Variants in TMX3 observed in about 807,000 individuals in gnomAD.
TMX3 encodes protein disulfide-isomerase TMX3.
A neutral mutation model predicts 64.4 loss-of-function variants in TMX3; 40 were observed. The observed-to-expected ratio is 0.62, with a 90% CI of 0.48 to 0.81. The LOEUF is 0.81. Among genes scored for constraint, TMX3 ranks in the 30% least tolerant of loss-of-function variants. The probability of loss-of-function intolerance (pLI) is 0.00; values close to 1 mark genes in which losing one functional copy is unlikely to be tolerated. For missense variants in TMX3, 497 were observed against 534.5 expected (o/e 0.93, Z 0.69); for synonymous variants, 189 against 175.7 (o/e 1.08, Z -0.60).
At chr18:68,687,837 A>G (rs1914111705) in intron 9 of TMX3, 72 bp from the exon 10 acceptor site, 20 of 1,157,666 alleles carry the variant, frequency 1.7e-5, no homozygotes, top group South Asian at 9.4e-5. Context: ...CTTTAATCTG[A>G]TAATAGGTAT....
At position 68,676,006 on chromosome 18, in the gene TMX3, T is replaced by C. The variant is rs1415676662; in HGVS notation, c.*927A>G. 1 of 152,178 alleles carries C rather than the reference T, an allele frequency of 6.6e-6. No homozygotes were observed. Among genetic ancestry groups the C allele is most frequent in the Non-Finnish European group, 1.5e-5 (1 of 68,034 alleles). 9.4% of individuals were successfully genotyped at this position (152,178 alleles called of 1,614,324 possible). On this transcript the variant is annotated 3_prime_UTR_variant, in exon 16 of 16. Coordinates refer to ENST00000299608, the MANE Select transcript of TMX3 (RefSeq NM_019022.5). ...GTGTGTCTGTGGGTGCATACGTACG[T>C]ATTCTAGAGTAGAAGTTACCATAAA...
intron 9 of TMX3, among the ~76,000 whole-genome samples, chr18:68,689,370 A>T (rs1409199795): frequency 6.6e-6 from 1 of 151,886 alleles, no homozygotes; most frequent in African/African-American, 2.4e-5. Flanking sequence ...AAATATGTTT[A>T]TATTTAAACA....
rs1431875907 is a variant in TMX3, at chr18:68,705,242, CAG to C, written c.266-3454_266-3453del. On this transcript the variant is annotated intron_variant, in intron 4 of 15. Transcript: ENST00000299608. ...CATCCAACTCCCAACAATAACCCCA[CAG>C]AATTATCTGGTCCAAAATGTCAATA... 1.1e-4 allele frequency among the ~76,000 whole-genome samples: 17 copies of C among 152,042 alleles called. 1 individual carries two copies. The East Asian group carries it at 3.3e-3, about 29-fold the overall frequency.
Position 68,681,129 on chromosome 18 carries a change from A to C in TMX3, c.906-19T>G. ...CAATTCACTGAAAATATAAAAACAA[A>C]TCAAAATATACATTAAACACAGCAA... is the stretch of plus-strand genomic sequence containing the variant. On this transcript the variant is annotated intron_variant, in intron 13 of 15. Coordinates refer to ENST00000299608, the MANE Select transcript of TMX3 (RefSeq NM_019022.5). 1 of 1,534,994 alleles carries C rather than the reference A, an allele frequency of 6.5e-7. No individual in the cohort carries two copies. Among genetic ancestry groups the C allele is most frequent in the South Asian group, 1.3e-5 (1 of 75,762 alleles).
rs996897327 is a variant in TMX3 at position 68,715,050 on chromosome 18, G to A, written c.-69C>T. On this transcript the variant is annotated 5_prime_UTR_variant, in exon 1 of 16. Transcript: ENST00000299608. ...ATAAAGACACTGGGGTCCGCCGCCT[G>A]CCCGCCCGGAAAGGGAAACGGAGCC... The A allele has an allele frequency of 1.3e-6, 2 of 1,547,072 alleles. No homozygotes were observed. Among genetic ancestry groups the A allele is most frequent in the African/African-American group, 2.7e-5 (2 of 72,818 alleles).
chr18:68,699,339 C>T (rs1915447242), intron 6 of TMX3, among the ~76,000 whole-genome samples: 1 of 152,056 alleles, frequency 6.6e-6, no homozygotes, highest in Non-Finnish European at 1.5e-5. Context: ...AACATAATGA[C>T]TAATATAAAT....
At chr18:68,706,653 T>TA (rs1159822412) in intron 4 of TMX3, among the ~76,000 whole-genome samples, 1 of 152,110 alleles carries the variant, frequency 6.6e-6, no homozygotes, top group Non-Finnish European at 1.5e-5. Context: ...CCGCAAGAGG[T>TA]ATCTATGAAA....
At chr18:68,702,347 G>A (rs992301370) in intron 4 of TMX3, among the ~76,000 whole-genome samples, 21 of 150,034 alleles carry the variant, frequency 1.4e-4, no homozygotes, top group Non-Finnish European at 2.5e-4. Flanking sequence ...TTCTGCTTTT[G>A]TGATAACCTA....
intron 9 of TMX3, among the ~76,000 whole-genome samples, chr18:68,690,689 G>A (rs547366886): frequency 6.6e-6 from 1 of 152,234 alleles, no homozygotes; most frequent in African/African-American, 2.4e-5. Context: ...TCAGCAAATT[G>A]AAAGTTGAAG....
At chr18:68,687,298 C>T (rs1914060897) in intron 10 of TMX3, 2 of 985,380 alleles carry the variant, frequency 2.0e-6, no homozygotes, top group Non-Finnish European at 2.4e-6. Context: ...ACATTTTTCC[C>T]TTTCACAGGT....
intron 4 of TMX3, 64 bp downstream of exon 4, chr18:68,709,957 T>C: frequency 6.8e-7 from 1 of 1,468,672 alleles, no homozygotes; most frequent in Non-Finnish European, 9.1e-7. Context: ...CCACCCTGAA[T>C]ACTGTTGCAT....
At chr18:68,705,834 T>A (rs2030606374) in intron 4 of TMX3, among the ~76,000 whole-genome samples, 1 of 152,220 alleles carries the variant, frequency 6.6e-6, no homozygotes, top group Admixed American at 6.5e-5. Flanking sequence ...TTCAAATTTC[T>A]CTAGTTCAAA....
Position 68,715,039 on chromosome 18 carries a change from G to C in TMX3, c.-58C>G. The C allele has an allele frequency of 1.3e-6, 2 of 1,549,256 alleles. No individual in the cohort carries two copies. The highest frequency in any genetic ancestry group is 1.7e-6 in the Non-Finnish European group (2 of 1,146,332). On this transcript the variant is annotated 5_prime_UTR_variant, in exon 1 of 16. Coordinates refer to ENST00000299608, the MANE Select transcript of TMX3 (RefSeq NM_019022.5). ...GCAAAAGAGGGATAAAGACACTGGGGTCCGCCGCCTGCCCGCCCGGAAAGG... is the reference window on the plus strand; with the variant it reads ...GCAAAAGAGGGATAAAGACACTGGGCTCCGCCGCCTGCCCGCCCGGAAAGG...
chr18:68,702,493 G>C (rs914072596), intron 4 of TMX3, among the ~76,000 whole-genome samples: 7 of 152,090 alleles, frequency 4.6e-5, no homozygotes, highest in African/African-American at 1.7e-4. Context: ...AGGGAAATAA[G>C]ACCTTAAACA....
At chr18:68,684,514 C>A in intron 10 of TMX3, 29 bp from the exon 11 acceptor site, 1 of 1,590,658 alleles carries the variant, frequency 6.3e-7, no homozygotes, top group Non-Finnish European at 8.6e-7. Context: ...CATCTGAATT[C>A]AATCACCCTT....
At chr18:68,680,857 A>T in intron 14 of TMX3, 124 bp downstream of exon 14, 1 of 825,246 alleles carries the variant, frequency 1.2e-6, no homozygotes, top group Non-Finnish European at 1.8e-6. Context: ...CAATGTATGG[A>T]GGTCCAGCCC....
At chr18:68,684,549 C>T in intron 10 of TMX3, 64 bp from the exon 11 acceptor site, 2 of 1,387,306 alleles carry the variant, frequency 1.4e-6, no homozygotes, top group South Asian at 1.2e-5. Flanking sequence ...TCAATTATCA[C>T]TTTAGTTCTG....
At chr18:68,689,639 A>G (rs1180114981) in intron 9 of TMX3, 2 of 152,198 alleles carry the variant, frequency 1.3e-5, no homozygotes, top group East Asian at 3.8e-4. Flanking sequence ...GGAGTACTGC[A>G]AGCAAAGAGC....
At chr18:68,687,450 TC>T (rs1460912845) in intron 10 of TMX3, 34 of 985,306 alleles carry the variant, frequency 3.5e-5, no homozygotes, top group South Asian at 9.4e-5. Context: ...CACCATCAGT[TC>T]TATTAGTAAA....
Sources: allele counts gnomAD v4.1 joint callset (sites outside exome capture counted in the v4.1 genomes callset), GRCh38; gene constraint gnomAD v4.1.1; transcripts MANE v1.5; gene names NCBI Gene and HGNC (gene_info 2026-07-23, HGNC 2026-07-21).